Variants in SPCS2 observed in about 807,000 individuals in gnomAD.
The protein encoded by SPCS2 is SPase 25 kDa subunit.
SPCS2 carries 3 observed loss-of-function variants against 22.3 expected under a neutral mutation model. The observed-to-expected ratio is 0.13, with a 90% CI of 0.06 to 0.35. The LOEUF is 0.35. SPCS2 is among the 10% of genes least tolerant of loss of function. The probability of loss-of-function intolerance (pLI) is 1.00; values close to 1 mark genes in which losing one functional copy is unlikely to be tolerated. For missense variants in SPCS2, 169 were observed against 280.9 expected (o/e 0.60, Z 2.85); for synonymous variants, 67 against 97.2 (o/e 0.69, Z 1.83).
intron 3 of SPCS2, among the ~76,000 whole-genome samples, chr11:74,967,577 T>C (rs1948554395): frequency 6.6e-6 from 1 of 152,064 alleles, no homozygotes; most frequent in East Asian, 1.9e-4. Context: ...TGGAGAAATC[T>C]GTCACTACTA....
intron 4 of SPCS2, among the ~76,000 whole-genome samples, chr11:74,970,906 T>C (rs1028793992): frequency 3.9e-5 from 6 of 152,204 alleles, no homozygotes; most frequent in Non-Finnish European, 5.9e-5. Context: ...AGTGTACAGT[T>C]CAAAAGTACC....
chr11:74,966,141 C>G (rs1450361026), intron 3 of SPCS2, among the ~76,000 whole-genome samples: 1 of 152,128 alleles, frequency 6.6e-6, no homozygotes, highest in Non-Finnish European at 1.5e-5. Context: ...TATCGTAATT[C>G]ATTTTTGTTA....
chr11:74,949,579 T>C (rs1377181214), intron 1 of SPCS2, 180 bp downstream of exon 1: 2 of 674,304 alleles, frequency 3.0e-6, no homozygotes, highest in East Asian at 5.9e-5. Flanking sequence ...ACTTCAAACC[T>C]GGACCCGGTC....
chr11:74,976,844 C>A lies in SPCS2; in HGVS notation c.495-13C>A. The A allele has an allele frequency of 6.2e-7, 1 of 1,613,474 alleles. No individual in the cohort carries two copies. Among genetic ancestry groups the A allele is most frequent in the Non-Finnish European group, 8.5e-7 (1 of 1,179,540 alleles). On this transcript the variant is annotated splice_polypyrimidine_tract_variant and intron_variant, in intron 4 of 4. Coordinates refer to ENST00000263672, the MANE Select transcript of SPCS2 (RefSeq NM_014752.3). ...TTTGGTTTTTAATTTGTTATCTTTG[C>A]CCCCATGCTTAGGTTTGATGACAAA...
intron 4 of SPCS2, among the ~76,000 whole-genome samples, chr11:74,971,918 A>C (rs1948586986): frequency 6.6e-6 from 1 of 152,168 alleles, no homozygotes; most frequent in Admixed American, 6.5e-5. Flanking sequence ...AAGTTATCCA[A>C]GTTTCCAGTG....
At chr11:74,960,482 G>A (rs558721355) in intron 1 of SPCS2, among the ~76,000 whole-genome samples, 5 of 150,820 alleles carry the variant, frequency 3.3e-5, no homozygotes, top group Middle Eastern at 3.4e-3. Flanking sequence ...GAGTTTTGTG[G>A]TCCTATTCAA....
rs906985015 is a variant in SPCS2, at chr11:74,949,397, A to C, written c.112A>C (p.Lys38Gln). The C allele has an allele frequency of 1.3e-6, 2 of 1,551,094 alleles. No homozygotes were observed. Among genetic ancestry groups the C allele is most frequent in the Non-Finnish European group, 1.7e-6 (2 of 1,146,650 alleles). The part of the protein sequence containing the change: ...TGSGRSGLLD[K>Q]WKIDDKPVKI... ...AAGTGGCCGTAGCGGCTTGTTGGATAAGGTGAGGAGCCGGTTCTTGGGAAC... is the reference window on the plus strand; with the variant it reads ...AAGTGGCCGTAGCGGCTTGTTGGATCAGGTGAGGAGCCGGTTCTTGGGAAC... Residue 38 changes from lysine (K) to glutamine (Q), a missense_variant and splice_region_variant, in exon 1 of 5, where the codon AAG becomes CAG. Physicochemically the swap from Lys to Gln is moderately conservative, Grantham distance 53. This residue lies in a region of SPCS2 where 118 missense variants were observed against 243.1 expected (regional missense o/e 0.49). Transcript: ENST00000263672.
In SPCS2 at chr11:74,961,946, G is replaced by C. The variant is rs150774359; in HGVS notation, c.115-3088G>C. The stretch of plus-strand genomic sequence containing the variant: ...AAAATAAGTTTATATCACTGAAGAA[G>C]AGACAGTTTTATAATGAGCCATGTA... On this transcript the variant is annotated intron_variant, in intron 1 of 4. Coordinates refer to ENST00000263672, the MANE Select transcript of SPCS2 (RefSeq NM_014752.3). Among the ~76,000 whole-genome samples the C allele has an allele frequency of 8.6e-3, 1,313 of 152,308 alleles. 7 individuals carry two copies. The highest frequency in any genetic ancestry group is 0.015 in the Non-Finnish European group (1,026 of 68,034).
chr11:74,959,663 A>G (rs1218431048), intron 1 of SPCS2, among the ~76,000 whole-genome samples: 2 of 152,184 alleles, frequency 1.3e-5, no homozygotes, highest in Non-Finnish European at 2.9e-5. Flanking sequence ...TTGGCCTCCC[A>G]AAGTGCTGAA....
chr11:74,953,912 A>G (rs1948461233), intron 1 of SPCS2, among the ~76,000 whole-genome samples: 1 of 152,222 alleles, frequency 6.6e-6, no homozygotes, highest in Non-Finnish European at 1.5e-5. Context: ...TTTTAGCCTT[A>G]TACCTGGATT....
At chr11:74,967,233 C>T (rs777969305) in intron 3 of SPCS2, among the ~76,000 whole-genome samples, 1 of 152,182 alleles carries the variant, frequency 6.6e-6, no homozygotes, top group Non-Finnish European at 1.5e-5. Flanking sequence ...GAATTTTTCA[C>T]TATTAAGGCA....
rs72988547 is a variant in SPCS2, at chr11:74,964,036, A to G, written c.115-998A>G. On this transcript the variant is annotated intron_variant, in intron 1 of 4. Coordinates refer to ENST00000263672, the MANE Select transcript of SPCS2 (RefSeq NM_014752.3). ...TAAAAAATTTTAAAGGCACACATAG[A>G]GTAATCTTACTCCTCCCCGTATTTC... Among the ~76,000 whole-genome samples the G allele has an allele frequency of 2.2e-3, 329 of 152,330 alleles. 1 individual carries two copies. The highest frequency in any genetic ancestry group is 4.2e-3 in the Non-Finnish European group (284 of 68,028).
intron 2 of SPCS2, 27 bp downstream of exon 2, chr11:74,965,144 G>C: frequency 6.8e-7 from 1 of 1,464,234 alleles, no homozygotes; most frequent in Non-Finnish European, 9.4e-7. Context: ...GGGTTGGTTA[G>C]TATCTATACA....
chr11:74,960,831 G>A (rs1214876693), intron 1 of SPCS2, among the ~76,000 whole-genome samples: 2 of 152,082 alleles, frequency 1.3e-5, no homozygotes, highest in Admixed American at 6.6e-5. Context: ...AAAATACTTA[G>A]CACATCCGTA....
At chr11:74,964,516 G>A (rs1379028169) in intron 1 of SPCS2, among the ~76,000 whole-genome samples, 2 of 152,164 alleles carry the variant, frequency 1.3e-5, no homozygotes. Context: ...GTTGTTAGCT[G>A]ACAAAGTGAT....
At chr11:74,961,517 TTTG>T (rs143787420) in intron 1 of SPCS2, among the ~76,000 whole-genome samples, 2,513 of 151,076 alleles carry the variant, frequency 0.017, 51 homozygotes, top group African/African-American at 0.043. Context: ...CAGCTTGTTT[TTTG>T]TTGTTGTTGT....
chr11:74,958,556 A>G (rs1294258702), intron 1 of SPCS2, among the ~76,000 whole-genome samples: 2 of 152,186 alleles, frequency 1.3e-5, no homozygotes, highest in African/African-American at 4.8e-5. Flanking sequence ...TTGTAATCTC[A>G]GCTTCTGAGT....
chr11:74,959,196 A>G (rs1235074734), intron 1 of SPCS2, among the ~76,000 whole-genome samples: 1 of 152,142 alleles, frequency 6.6e-6, no homozygotes, highest in African/African-American at 2.4e-5. Context: ...GTAATTCTTC[A>G]TCTCTCCAGT....
chr11:74,967,757 AAATT>A (rs1948555802), intron 3 of SPCS2, among the ~76,000 whole-genome samples: 1 of 152,148 alleles, frequency 6.6e-6, no homozygotes. Flanking sequence ...CAAAATAAAT[AAATT>A]AATTAGATAA....
Sources: allele counts gnomAD v4.1 joint callset (sites outside exome capture counted in the v4.1 genomes callset), GRCh38; gene constraint gnomAD v4.1.1; regional missense constraint gnomAD v4.1.1; transcripts MANE v1.5; gene names NCBI Gene and HGNC (gene_info 2026-07-23, HGNC 2026-07-21).